Variants in ARHGAP42 observed in about 807,000 individuals in gnomAD.
ARHGAP42 encodes Rho GTPase activating protein 42, also known as rho GTPase-activating protein 42.
A neutral mutation model predicts 125.0 loss-of-function variants in ARHGAP42; 63 were observed. The observed-to-expected ratio is 0.50, with a 90% CI of 0.41 to 0.62. The LOEUF is 0.62. Ranked by LOEUF, ARHGAP42 falls within the 20% of genes least tolerant of loss-of-function variation. The pLI, the probability that ARHGAP42 is intolerant of heterozygous loss-of-function variation, is 0.00. For missense variants in ARHGAP42, 766 were observed against 1,024.2 expected (o/e 0.75, Z 3.44); for synonymous variants, 339 against 351.0 (o/e 0.97, Z 0.38).
chr11:100,779,544 A>G (rs1375591889), intron 2 of ARHGAP42, among the ~76,000 whole-genome samples: 3 of 141,916 alleles, frequency 2.1e-5, no homozygotes, highest in African/African-American at 5.6e-5. Context: ...ATATACGTAT[A>G]TATATACATA....
intron 2 of ARHGAP42, among the ~76,000 whole-genome samples, chr11:100,791,822 A>C (rs1863574420): frequency 6.6e-6 from 1 of 152,218 alleles, no homozygotes; most frequent in Non-Finnish European, 1.5e-5. Context: ...CTTCTCAGAC[A>C]TTGCCATTAT....
At chr11:100,957,235 A>C (rs937369718) in intron 12 of ARHGAP42, among the ~76,000 whole-genome samples, 8 of 152,082 alleles carry the variant, frequency 5.3e-5, no homozygotes, top group African/African-American at 1.9e-4. Flanking sequence ...ATTAGAACTA[A>C]TGACTGGCTT....
chr11:100,761,020 G>C (rs1242373656), intron 1 of ARHGAP42, among the ~76,000 whole-genome samples: 2 of 152,140 alleles, frequency 1.3e-5, no homozygotes, highest in African/African-American at 4.8e-5. Context: ...GGTATGGGTG[G>C]GTAGGCAGAC....
chr11:100,843,151 G>A (rs765259534), intron 3 of ARHGAP42, among the ~76,000 whole-genome samples: 7 of 151,750 alleles, frequency 4.6e-5, no homozygotes, highest in African/African-American at 7.3e-5. Context: ...CTGACACCAC[G>A]GAAATACAAA....
chr11:100,696,335 TTTTTTTA>T (rs763451484), intron 1 of ARHGAP42, among the ~76,000 whole-genome samples: 1 of 152,030 alleles, frequency 6.6e-6, no homozygotes, highest in Non-Finnish European at 1.5e-5. Context: ...AAATGTCTAT[TTTTTTTA>T]TTTTTTATTT....
At chr11:100,705,010 C>CAACAAAAAAAAAAAAAAAAA (rs1861458983) in intron 1 of ARHGAP42, among the ~76,000 whole-genome samples, 1 of 60,574 alleles carries the variant, frequency 1.7e-5, no homozygotes, top group Non-Finnish European at 3.0e-5. Context: ...ACAACAACAA[C>CAACAAAAAAAAAAAAAAAAA]AACAAAAAAA....
At chr11:100,906,017 C>T (rs1866726114) in intron 4 of ARHGAP42, among the ~76,000 whole-genome samples, 1 of 152,188 alleles carries the variant, frequency 6.6e-6, no homozygotes, top group Non-Finnish European at 1.5e-5. Flanking sequence ...TGTTTAGAGA[C>T]ATTTCTCCTG....
rs368530116 is a variant in ARHGAP42, at chr11:100,968,517, C to G, written c.1550+2741C>G. 2.0e-5 allele frequency among the ~76,000 whole-genome samples: 3 copies of G among 152,008 alleles called. No individual in the cohort carries two copies. The East Asian group carries it at 5.8e-4, about 29-fold the overall frequency. On this transcript the variant is annotated intron_variant, in intron 17 of 23. Coordinates refer to ENST00000298815, the MANE Select transcript of ARHGAP42 (RefSeq NM_152432.4). ...CTGTTTCCTCTTTCTCCTTTTTGTG[C>G]TATCATTAATAAACATGTTATATCT...
chr11:100,759,196 A>G (rs1327585747), intron 1 of ARHGAP42, among the ~76,000 whole-genome samples: 1 of 152,128 alleles, frequency 6.6e-6, no homozygotes, highest in Non-Finnish European at 1.5e-5. Flanking sequence ...TTGCTAACAG[A>G]TCTTAAATGA....
At chr11:100,904,974 G>A (rs1219480152) in intron 4 of ARHGAP42, among the ~76,000 whole-genome samples, 3 of 152,166 alleles carry the variant, frequency 2.0e-5, no homozygotes, top group Non-Finnish European at 4.4e-5. Context: ...CACAAAATGG[G>A]TATTTACTAA....
rs371366286 is a variant in ARHGAP42 at position 100,976,953 on chromosome 11, A to T, written c.2375A>T (p.Tyr792Phe). 3 of 1,551,326 alleles carry T rather than the reference A, an allele frequency of 1.9e-6. No individual in the cohort carries two copies. The highest frequency in any genetic ancestry group is 2.7e-5 in the African/African-American group (2 of 73,048). Residue 792 changes from tyrosine (Y) to phenylalanine (F), a missense_variant, in exon 21 of 24, where the codon TAT (tyrosine) becomes TTT (phenylalanine). By Grantham distance (22) the Tyr-to-Phe change is conservative. Transcript: ENST00000298815. ...LRLDTASSNG[Y>F]QRPGSVVAAK... ...CTAGACACTGCCTCAAGCAATGGCTATCAGCGGCCTGGCTCAGTGTAAGTG... is the reference window on the plus strand; with the variant it reads ...CTAGACACTGCCTCAAGCAATGGCTTTCAGCGGCCTGGCTCAGTGTAAGTG...
At chr11:100,721,631 C>T (rs1861760723) in intron 1 of ARHGAP42, among the ~76,000 whole-genome samples, 1 of 151,968 alleles carries the variant, frequency 6.6e-6, no homozygotes, top group Non-Finnish European at 1.5e-5. Context: ...CGCCGCCACG[C>T]CCAGCTAATT....
chr11:100,752,120 C>T (rs1407311220), intron 1 of ARHGAP42, among the ~76,000 whole-genome samples: 1 of 152,020 alleles, frequency 6.6e-6, no homozygotes, highest in Non-Finnish European at 1.5e-5. Flanking sequence ...TGTTGATGTT[C>T]CAACCAGAGA....
chr11:100,815,136 C>G (rs982587971), intron 3 of ARHGAP42, among the ~76,000 whole-genome samples: 4 of 152,208 alleles, frequency 2.6e-5, no homozygotes, highest in African/African-American at 4.8e-5. Flanking sequence ...TGTATAACCT[C>G]TTTCAGCAGG....
chr11:100,759,870 C>T (rs1471654992), intron 1 of ARHGAP42, among the ~76,000 whole-genome samples: 1 of 152,002 alleles, frequency 6.6e-6, no homozygotes, highest in African/African-American at 2.4e-5. Flanking sequence ...AGCTGTAGCC[C>T]CAGGAAGACA....
chr11:100,945,334 A>AG (rs1159035081), intron 10 of ARHGAP42, among the ~76,000 whole-genome samples: 7 of 32,864 alleles, frequency 2.1e-4, no homozygotes, highest in African/African-American at 6.1e-4. Flanking sequence ...AGTTGGAATC[A>AG]ATTCTTTCAA....
At position 100,771,205 on chromosome 11, in the gene ARHGAP42, C is replaced by T. The variant is rs536653755; in HGVS notation, c.250+767C>T. ...TCAGGAGACTTGAACCCTAATCTGA[C>T]GTTGCCTCAGTAATTTGGCAATGTG... On this transcript the variant is annotated intron_variant, in intron 2 of 23. Coordinates refer to ENST00000298815, the MANE Select transcript of ARHGAP42 (RefSeq NM_152432.4). 9.9e-5 allele frequency among the ~76,000 whole-genome samples: 15 copies of T among 152,276 alleles called. 1 individual carries two copies. Among genetic ancestry groups the T allele is most frequent in the East Asian group, 9.6e-4 (5 of 5,182 alleles).
chr11:100,718,320 G>A (rs1300253034), intron 1 of ARHGAP42, among the ~76,000 whole-genome samples: 1 of 152,180 alleles, frequency 6.6e-6, no homozygotes, highest in Non-Finnish European at 1.5e-5. Context: ...ACTGGATCTA[G>A]CATCTGATAC....
At chr11:100,803,660 C>G (rs1178001732) in intron 3 of ARHGAP42, among the ~76,000 whole-genome samples, 1 of 152,166 alleles carries the variant, frequency 6.6e-6, no homozygotes. Context: ...ACAGAAGGTC[C>G]AAATTATCTG....
Sources: gnomAD v4.1 joint callset for allele counts (sites outside exome capture counted in the v4.1 genomes callset) on GRCh38, gnomAD v4.1.1 for gene constraint, MANE v1.5 for transcripts, NCBI Gene and HGNC (gene_info 2026-07-23, HGNC 2026-07-21) for gene names.